RELN: variants seen among roughly 807,000 people sequenced by gnomAD.
RELN encodes reelin.
RELN carries 108 observed loss-of-function variants against 427.6 expected under a neutral mutation model. The ratio of observed to expected loss-of-function variants is 0.25; its 90% CI spans 0.22 to 0.30. The LOEUF (loss-of-function observed/expected upper bound fraction) is 0.30, where lower values mean the gene tolerates loss of function less well. RELN is among the 10% of genes least tolerant of loss of function. The probability of loss-of-function intolerance (pLI) is 1.00; values close to 1 mark genes in which losing one functional copy is unlikely to be tolerated. For synonymous variants in RELN, 1,524 were observed against 1,513.4 expected (o/e 1.01, Z -0.16); for missense variants, 3,715 against 4,302.8 (o/e 0.86, Z 3.82).
chr7:103,901,122 G>A (rs1163954734), intron 2 of RELN, among the ~76,000 whole-genome samples: 1 of 151,958 alleles, frequency 6.6e-6, no homozygotes, highest in Non-Finnish European at 1.5e-5. Flanking sequence ...CTCCAAAGAA[G>A]ATGTACGATG....
At chr7:103,850,013 C>G (rs923747633) in intron 2 of RELN, among the ~76,000 whole-genome samples, 1 of 152,172 alleles carries the variant, frequency 6.6e-6, no homozygotes, top group African/African-American at 2.4e-5. Context: ...TTAGGAACAT[C>G]TCCATAATTT....
chr7:103,980,188 A>G (rs1796963208), intron 1 of RELN, among the ~76,000 whole-genome samples: 1 of 151,814 alleles, frequency 6.6e-6, no homozygotes. Flanking sequence ...TCTTAATAAA[A>G]ATTATATTAT....
At position 103,824,406 on chromosome 7, in the gene RELN, G is replaced by A. The variant is rs1407762582; in HGVS notation, c.473+9131C>T. ...TTTCCCAGTCAGGCTTCAATCAGTGGGCCCAGTTCCAGCTCAGTCTCCTTT... is the reference window on the plus strand; with the variant it reads ...TTTCCCAGTCAGGCTTCAATCAGTGAGCCCAGTTCCAGCTCAGTCTCCTTT... On this transcript the variant is annotated intron_variant, in intron 3 of 64. Transcript: ENST00000428762. The surrounding 1 kb of genome is among the most constrained non-coding windows in gnomAD (Gnocchi z 4.4). Among the ~76,000 whole-genome samples the A allele has an allele frequency of 6.6e-6, 1 of 151,882 alleles. No homozygotes were observed. Among genetic ancestry groups the A allele is most frequent in the Admixed American group, 6.6e-5 (1 of 15,226 alleles).
chr7:103,474,965 A>G (rs750099848), intron 64 of RELN, among the ~76,000 whole-genome samples: 3 of 152,206 alleles, frequency 2.0e-5, no homozygotes, highest in Non-Finnish European at 4.4e-5. Context: ...CACTGGCTTC[A>G]CTTTGCCCAA....
chr7:103,921,474 G>A (rs776853916), intron 1 of RELN, among the ~76,000 whole-genome samples: 2 of 152,068 alleles, frequency 1.3e-5, no homozygotes, highest in Admixed American at 6.6e-5. Flanking sequence ...GCATTAAAAT[G>A]TCAAGAGAAC....
chr7:103,855,610 A>C (rs779127366), intron 2 of RELN, among the ~76,000 whole-genome samples: 6 of 152,192 alleles, frequency 3.9e-5, no homozygotes, highest in Non-Finnish European at 8.8e-5. Context: ...GTAACAACTT[A>C]TTATAAAGTG....
intron 3 of RELN, among the ~76,000 whole-genome samples, chr7:103,819,585 A>G (rs1241971628): frequency 6.6e-6 from 1 of 152,134 alleles, no homozygotes; most frequent in Non-Finnish European, 1.5e-5. Context: ...TGGAGAGGTC[A>G]TCTCCTCATG....
intron 17 of RELN, among the ~76,000 whole-genome samples, chr7:103,639,519 C>G (rs916690083): frequency 1.3e-5 from 2 of 151,658 alleles, no homozygotes; most frequent in African/African-American, 2.4e-5. Context: ...CCTGCCTCAG[C>G]CTCCCGAGTA....
chr7:103,718,376 C>G (rs932203792), intron 8 of RELN, among the ~76,000 whole-genome samples: 1 of 150,770 alleles, frequency 6.6e-6, no homozygotes, highest in Admixed American at 6.6e-5. Context: ...AAAATAAAAC[C>G]CGAATGTTTA....
chr7:103,475,848 T>G (rs1252479364), intron 64 of RELN, among the ~76,000 whole-genome samples: 2 of 152,204 alleles, frequency 1.3e-5, no homozygotes, highest in African/African-American at 4.8e-5. Context: ...AAAACCAATT[T>G]AGGGGACATT....
intron 1 of RELN, among the ~76,000 whole-genome samples, chr7:103,931,110 T>C (rs1191834534): frequency 6.6e-6 from 1 of 152,114 alleles, no homozygotes; most frequent in African/African-American, 2.4e-5. Context: ...CAGTGCATCC[T>C]TAACTTTTAT....
chr7:103,724,972 AT>A (rs1025031656), intron 7 of RELN, among the ~76,000 whole-genome samples: 3 of 152,158 alleles, frequency 2.0e-5, no homozygotes, highest in African/African-American at 7.2e-5. Context: ...AAGCCTTTAT[AT>A]TTGACATTCT....
chr7:103,705,790 C>T (rs112983013), intron 8 of RELN, among the ~76,000 whole-genome samples: 1 of 152,086 alleles, frequency 6.6e-6, no homozygotes, highest in African/African-American at 2.4e-5. Flanking sequence ...CTTTCTGTGT[C>T]CTAACTTCCA....
chr7:103,914,199 G>C (rs1044543477), intron 2 of RELN, among the ~76,000 whole-genome samples: 3 of 152,086 alleles, frequency 2.0e-5, no homozygotes, highest in African/African-American at 7.2e-5. Context: ...TGTCTTACTA[G>C]CTAAAATCTG....
chr7:103,599,778 G>A (rs1831621131), intron 24 of RELN, among the ~76,000 whole-genome samples: 1 of 152,102 alleles, frequency 6.6e-6, no homozygotes, highest in African/African-American at 2.4e-5. Context: ...CTTTGTGGCT[G>A]GAGCAAAGGG....
intron 2 of RELN, among the ~76,000 whole-genome samples, chr7:103,851,848 C>T (rs914714873): frequency 6.6e-6 from 1 of 152,182 alleles, no homozygotes; most frequent in Non-Finnish European, 1.5e-5. Flanking sequence ...CGGATATTAG[C>T]AGAAATGAAG....
chr7:103,935,802 T>C (rs1047505860), intron 1 of RELN, among the ~76,000 whole-genome samples: 2 of 152,180 alleles, frequency 1.3e-5, no homozygotes, highest in Non-Finnish European at 2.9e-5. Flanking sequence ...CATCAGTGAA[T>C]AAGTCTGTGC....
chr7:103,852,733 A>T (rs569602227), intron 2 of RELN, among the ~76,000 whole-genome samples: 1 of 152,166 alleles, frequency 6.6e-6, no homozygotes, highest in South Asian at 2.1e-4. Context: ...ACATTAAATC[A>T]CATATAATAC....
At chr7:103,504,482 G>GA in intron 51 of RELN, 1 of 152,322 alleles carries the variant, frequency 6.6e-6, no homozygotes, top group East Asian at 1.9e-4. Flanking sequence ...GGCTGAATAG[G>GA]AACAGCTCCA....
Sources: gnomAD v4.1 joint callset for allele counts (sites outside exome capture counted in the v4.1 genomes callset) on GRCh38, gnomAD v4.1.1 for gene constraint, Gnocchi (gnomAD v3.1) non-coding constraint, MANE v1.5 for transcripts, NCBI Gene and HGNC (gene_info 2026-07-23, HGNC 2026-07-21) for gene names.